IGF2BP2: variants seen among roughly 807,000 people sequenced by gnomAD.
The protein encoded by IGF2BP2 is insulin like growth factor 2 mRNA binding protein 2.
In IGF2BP2, 17 loss-of-function variants were observed where a neutral mutation model predicts 75.8. The observed-to-expected ratio is 0.22, with a 90% CI of 0.15 to 0.34. The LOEUF is 0.34. Among genes scored for constraint, IGF2BP2 ranks in the 10% least tolerant of loss-of-function variants. The probability of loss-of-function intolerance (pLI) is 1.00; values close to 1 mark genes in which losing one functional copy is unlikely to be tolerated. For missense variants in IGF2BP2, 516 were observed against 772.4 expected (o/e 0.67, Z 3.93); for synonymous variants, 288 against 295.6 (o/e 0.97, Z 0.26).
At chr3:185,723,362 A>G (rs954050293) in intron 2 of IGF2BP2, among the ~76,000 whole-genome samples, 2 of 152,216 alleles carry the variant, frequency 1.3e-5, no homozygotes, top group Non-Finnish European at 2.9e-5. Flanking sequence ...AGTCATTTTC[A>G]CAGGGTATTA....
chr3:185,749,592 C>T (rs1024876965), intron 2 of IGF2BP2, among the ~76,000 whole-genome samples: 4 of 152,188 alleles, frequency 2.6e-5, no homozygotes, highest in Non-Finnish European at 4.4e-5. Context: ...CTGGTAACTC[C>T]CATGACATTT....
chr3:185,700,517 A>T (rs572224297), intron 2 of IGF2BP2, among the ~76,000 whole-genome samples: 92 of 152,360 alleles, frequency 6.0e-4, no homozygotes, highest in African/African-American at 2.2e-3. Context: ...AATAGTTCAG[A>T]ATAAAACTGC....
At chr3:185,716,876 C>T (rs1410823670) in intron 2 of IGF2BP2, 1 of 479,950 alleles carries the variant, frequency 2.1e-6, no homozygotes, top group Non-Finnish European at 4.1e-6. Flanking sequence ...GTGGCTTGTT[C>T]GTGGAATTTA....
At chr3:185,675,525 G>A (rs928873231) in intron 8 of IGF2BP2, 94 bp from the exon 9 acceptor site, 4 of 1,425,994 alleles carry the variant, frequency 2.8e-6, no homozygotes, top group Non-Finnish European at 3.8e-6. Flanking sequence ...TTGGCGGAGA[G>A]AGAGAAGACT....
intron 2 of IGF2BP2, among the ~76,000 whole-genome samples, chr3:185,760,818 T>TA (rs1382770481): frequency 6.6e-6 from 1 of 152,198 alleles, no homozygotes; most frequent in Non-Finnish European, 1.5e-5. Flanking sequence ...CTATGGCTGT[T>TA]AGAGAGTTCA....
intron 2 of IGF2BP2, chr3:185,821,177 GAA>G: frequency 7.1e-7 from 1 of 1,406,676 alleles, no homozygotes; most frequent in Non-Finnish European, 9.3e-7. Flanking sequence ...TAAAGGAAAG[GAA>G]AAAAAAATTA....
At chr3:185,731,246 C>CTTTTTTTTTTTT (rs760172663) in intron 2 of IGF2BP2, among the ~76,000 whole-genome samples, 98 of 129,226 alleles carry the variant, frequency 7.6e-4, no homozygotes, top group African/African-American at 2.8e-3. Flanking sequence ...GCATCACTTT[C>CTTTTTTTTTTTT]TTTTTTTTTT....
intron 2 of IGF2BP2, among the ~76,000 whole-genome samples, chr3:185,739,844 TCCCCCCCACCCCCCCTA>T (rs1322247111): frequency 9.0e-4 from 49 of 54,228 alleles, no homozygotes; most frequent in Non-Finnish European, 1.5e-3. Context: ...TTTTTTTCCC[TCCCCCCCACCCCCCCTA>T]CCCCCCACCC....
At chr3:185,760,710 C>A (rs1005519067) in intron 2 of IGF2BP2, among the ~76,000 whole-genome samples, 1 of 152,130 alleles carries the variant, frequency 6.6e-6, no homozygotes, top group Non-Finnish European at 1.5e-5. Flanking sequence ...CTGGGAGATA[C>A]GAGGAATATC....
chr3:185,804,251 G>A (rs1305872000), intron 2 of IGF2BP2, among the ~76,000 whole-genome samples: 4 of 124,002 alleles, frequency 3.2e-5, no homozygotes, highest in South Asian at 2.9e-4. Context: ...GCAAGACTAC[G>A]TCTCAAAAAA....
Position 185,704,879 on chromosome 3 carries a change from T to C in IGF2BP2, c.240-6532A>G, listed in dbSNP as rs548189286. 1.2e-3 allele frequency among the ~76,000 whole-genome samples: 187 copies of C among 152,256 alleles called. 1 individual carries two copies. The highest frequency in any genetic ancestry group is 2.2e-3 in the Non-Finnish European group (147 of 68,026). The stretch of plus-strand genomic sequence containing the variant: ...TTTGTTGCAAAATGACTAAGAACAA[T>C]TGCCTCCGCCTCTATGGAATCCAAA... On this transcript the variant is annotated intron_variant, in intron 2 of 15. Transcript: ENST00000382199.
chr3:185,818,273 A>C (rs902668911), intron 2 of IGF2BP2, among the ~76,000 whole-genome samples: 20 of 152,184 alleles, frequency 1.3e-4, no homozygotes, highest in Admixed American at 1.2e-3. Context: ...CTTTTGTGAC[A>C]GGGGATAGCC....
chr3:185,724,402 A>G (rs548692167), intron 2 of IGF2BP2: 17 of 152,302 alleles, frequency 1.1e-4, no homozygotes, highest in African/African-American at 3.9e-4. Context: ...TATAACTGCT[A>G]TCCCTTTTTT....
chr3:185,711,397 G>A (rs946260126), intron 2 of IGF2BP2, among the ~76,000 whole-genome samples: 2 of 152,140 alleles, frequency 1.3e-5, no homozygotes, highest in African/African-American at 4.8e-5. Context: ...AACATGACAG[G>A]GTTAACATCT....
intron 2 of IGF2BP2, among the ~76,000 whole-genome samples, chr3:185,781,783 T>TTGTGTG (rs572450928): frequency 6.7e-6 from 1 of 149,340 alleles, no homozygotes; most frequent in African/African-American, 2.4e-5. Flanking sequence ...TTGTTTGTGT[T>TTGTGTG]TGTGTGTGTG....
At position 185,687,133 on chromosome 3, in the gene IGF2BP2, C is replaced by G; in HGVS notation, c.736G>C (p.Ala246Pro). 1 of 1,613,816 alleles carries G rather than the reference C, an allele frequency of 6.2e-7. No homozygotes were observed. The highest frequency in any genetic ancestry group is 8.5e-7 in the Non-Finnish European group (1 of 1,179,922). ...GCTTCAGAAGTCCCCTCTGGGGTGG[C>G]ATGGATGGTGACAGGCTTCTCTGCA... ...GAAEKPVTIH[A>P]TPEGTSEACR... The change falls in exon 7 of 16, where the codon GCC (alanine) becomes CCC (proline). Residue 246 changes from alanine to proline, a missense_variant. Physicochemically the swap from Ala to Pro is conservative, Grantham distance 27 (BLOSUM62 -1). Around this residue, in one of 3 missense-constraint regions of IGF2BP2, gnomAD observed 312 missense variants for 474.5 expected, o/e 0.66. Coordinates refer to ENST00000382199, the MANE Select transcript of IGF2BP2 (RefSeq NM_006548.6).
chr3:185,677,044 G>GATATATATATATATATATATATATAT (rs1164588813), intron 7 of IGF2BP2, among the ~76,000 whole-genome samples: 1 of 23,868 alleles, frequency 4.2e-5, no homozygotes, highest in Non-Finnish European at 6.5e-5. Flanking sequence ...TATATATGGA[G>GATATATATATATATATATATATATAT]ATATATATAT....
intron 2 of IGF2BP2, among the ~76,000 whole-genome samples, chr3:185,782,044 T>G (rs1379758439): frequency 6.6e-6 from 1 of 152,202 alleles, no homozygotes; most frequent in Non-Finnish European, 1.5e-5. Context: ...AGAAGGCATA[T>G]TTCCCATAAC....
intron 2 of IGF2BP2, among the ~76,000 whole-genome samples, chr3:185,738,967 T>C (rs1367221245): frequency 6.6e-6 from 1 of 152,082 alleles, no homozygotes; most frequent in Non-Finnish European, 1.5e-5. Context: ...ATTAAATCAA[T>C]TGGAGCTACA....
Sources: gnomAD v4.1 joint callset for allele counts (sites outside exome capture counted in the v4.1 genomes callset) on GRCh38, gnomAD v4.1.1 for gene constraint, gnomAD v4.1.1 regional missense constraint, MANE v1.5 for transcripts, NCBI Gene and HGNC (gene_info 2026-07-23, HGNC 2026-07-21) for gene names.